Variants in USH2A observed in about 807,000 individuals in gnomAD.
The protein encoded by USH2A is usherin, also known as Usher syndrome 2A (autosomal recessive, mild).
Under a neutral mutation model 538.9 loss-of-function variants are expected in USH2A, and 443 were observed. That is an observed-to-expected ratio of 0.82 (90% confidence interval 0.76 to 0.89). The LOEUF (loss-of-function observed/expected upper bound fraction) is 0.89, where lower values mean the gene tolerates loss of function less well. Among genes scored for constraint, USH2A ranks in the 40% least tolerant of loss-of-function variants. The probability of loss-of-function intolerance (pLI) is 0.00; values close to 1 mark genes in which losing one functional copy is unlikely to be tolerated. For missense variants in USH2A, 6,633 were observed against 6,324.8 expected, an observed-to-expected ratio of 1.05 and a Z score of -1.65; for synonymous variants, 2,413 against 2,273.5, an observed-to-expected ratio of 1.06 and a Z score of -1.75.
At chr1:215,776,582 G>T (rs1231860596) in intron 55 of USH2A, among the ~76,000 whole-genome samples, 1 of 152,106 alleles carries the variant, frequency 6.6e-6, no homozygotes, top group African/African-American at 2.4e-5. Context: ...TCAGGCTCCA[G>T]GACGACTAGT....
intron 2 of USH2A, among the ~76,000 whole-genome samples, chr1:216,419,900 T>G (rs746083067): frequency 5.3e-5 from 8 of 151,866 alleles, no homozygotes; most frequent in African/African-American, 1.9e-4. Context: ...AATAAGATTG[T>G]AAAACACTAA....
intron 30 of USH2A, among the ~76,000 whole-genome samples, chr1:216,052,991 T>C (rs1240967404): frequency 2.6e-5 from 4 of 152,216 alleles, no homozygotes; most frequent in African/African-American, 9.6e-5. Flanking sequence ...TCTGAAGATA[T>C]ATCATCATCA....
intron 44 of USH2A, among the ~76,000 whole-genome samples, chr1:215,860,741 A>G (rs1032623012): frequency 6.6e-6 from 1 of 152,214 alleles, no homozygotes; most frequent in Non-Finnish European, 1.5e-5. Flanking sequence ...ATTCAGATCA[A>G]TTATAGTAAA....
intron 13 of USH2A, among the ~76,000 whole-genome samples, chr1:216,240,526 A>C (rs1431534719): frequency 2.6e-5 from 4 of 151,886 alleles, no homozygotes; most frequent in Non-Finnish European, 5.9e-5. Flanking sequence ...GTCGTTAAAA[A>C]AAAAAAAAAA....
At chr1:216,148,538 C>T (rs983711445) in intron 21 of USH2A, among the ~76,000 whole-genome samples, 45 of 152,162 alleles carry the variant, frequency 3.0e-4, no homozygotes, top group Admixed American at 8.5e-4. Flanking sequence ...ATGCCAATAT[C>T]CCACCTCACA....
intron 21 of USH2A, among the ~76,000 whole-genome samples, chr1:216,111,833 C>T (rs1056689879): frequency 1.7e-4 from 25 of 151,234 alleles, no homozygotes; most frequent in African/African-American, 6.1e-4. Flanking sequence ...ACAGCAGAAA[C>T]CCCTTGGTTT....
intron 21 of USH2A, among the ~76,000 whole-genome samples, chr1:216,161,953 C>T (rs562012894): frequency 6.6e-6 from 1 of 152,118 alleles, no homozygotes; most frequent in African/African-American, 2.4e-5. Context: ...CCCACCCTCC[C>T]CAGGTGCTTT....
intron 50 of USH2A, among the ~76,000 whole-genome samples, chr1:215,798,245 A>T (rs913630608): frequency 1.1e-4 from 16 of 152,176 alleles, no homozygotes; most frequent in African/African-American, 3.9e-4. Flanking sequence ...CCTGGTGAAG[A>T]TACTGTGAAC....
intron 3 of USH2A, among the ~76,000 whole-genome samples, chr1:216,366,377 T>C (rs1160556606): frequency 6.6e-6 from 1 of 152,000 alleles, no homozygotes; most frequent in Non-Finnish European, 1.5e-5. Context: ...AGGGCTTTAA[T>C]AGAGGGGGAG....
In USH2A at chr1:216,246,702, G is replaced by A. The variant is rs1183969284; in HGVS notation, c.2692C>T (p.Gln898Ter). The change falls in exon 13 of 72, where the codon CAG becomes TAG. Residue 898 changes from glutamine (Q) to a stop codon, truncating the protein, a stop_gained. Coordinates refer to ENST00000307340, the MANE Select transcript of USH2A (RefSeq NM_206933.4). LOFTEE classifies it high-confidence loss of function. ...CCCAAGGAATCACACTCACACATCT[G>A]GCAGTGTTGAAAATTGTCAATGGTC... ...NLTIDNFQHC[Q>*]MCECDSLGTL... The A allele has an allele frequency of 1.9e-6, 3 of 1,613,982 alleles. No homozygotes were observed. The highest frequency in any genetic ancestry group is 2.7e-5 in the African/African-American group (2 of 74,908).
At chr1:215,916,083 T>C (rs1665945490) in intron 38 of USH2A, among the ~76,000 whole-genome samples, 1 of 151,012 alleles carries the variant, frequency 6.6e-6, no homozygotes, top group African/African-American at 2.4e-5. Flanking sequence ...ATCTACCTAA[T>C]GCTAAATGAC....
At chr1:215,911,241 A>G (rs1305327353) in intron 38 of USH2A, among the ~76,000 whole-genome samples, 1 of 151,974 alleles carries the variant, frequency 6.6e-6, no homozygotes, top group Non-Finnish European at 1.5e-5. Flanking sequence ...TTAAAAATAT[A>G]CGCTTAAGTT....
chr1:216,038,384 C>T (rs1337146941), intron 32 of USH2A, among the ~76,000 whole-genome samples: 1 of 151,966 alleles, frequency 6.6e-6, no homozygotes, highest in African/African-American at 2.4e-5. Flanking sequence ...CAAACTAGAT[C>T]TGGTTCAGGA....
At chr1:216,354,309 G>T (rs907349122) in intron 4 of USH2A, among the ~76,000 whole-genome samples, 3 of 152,030 alleles carry the variant, frequency 2.0e-5, no homozygotes, top group African/African-American at 4.8e-5. Flanking sequence ...ATTCTTTTAC[G>T]CAAAGTGTTT....
At chr1:216,042,972 T>C (rs1418589597) in intron 32 of USH2A, among the ~76,000 whole-genome samples, 1 of 152,018 alleles carries the variant, frequency 6.6e-6, no homozygotes, top group Admixed American at 6.6e-5. Context: ...AAATCAAGCT[T>C]GCCAACATCT....
chr1:215,805,545 C>A (rs1402944686), intron 49 of USH2A, among the ~76,000 whole-genome samples: 1 of 151,936 alleles, frequency 6.6e-6, no homozygotes, highest in African/African-American at 2.4e-5. Flanking sequence ...GCACTCAATG[C>A]CACTGAATTG....
chr1:216,270,680 ACTG>A (rs2036557321), intron 11 of USH2A, among the ~76,000 whole-genome samples: 1 of 150,494 alleles, frequency 6.6e-6, no homozygotes, highest in Non-Finnish European at 1.5e-5. Context: ...CATTTAATAA[ACTG>A]CTATCAATTA....
chr1:215,834,841 A>G (rs968431880), intron 47 of USH2A, among the ~76,000 whole-genome samples: 25 of 149,614 alleles, frequency 1.7e-4, no homozygotes, highest in Middle Eastern at 6.4e-3. Flanking sequence ...CAAATATTAG[A>G]CTTCCTGGAT....
At chr1:215,861,379 C>T (rs1322628739) in intron 44 of USH2A, among the ~76,000 whole-genome samples, 1 of 152,164 alleles carries the variant, frequency 6.6e-6, no homozygotes. Context: ...AGTTAGTTAG[C>T]GAAGCTGGTG....
Sources: allele counts gnomAD v4.1 joint callset (sites outside exome capture counted in the v4.1 genomes callset), GRCh38; gene constraint gnomAD v4.1.1; transcripts MANE v1.5; gene names NCBI Gene and HGNC (gene_info 2026-07-23, HGNC 2026-07-21).